Variants in TNRC6B observed in about 807,000 individuals in gnomAD.
The protein encoded by TNRC6B is trinucleotide repeat-containing gene 6B protein.
Under a neutral mutation model 203.6 loss-of-function variants are expected in TNRC6B, and 52 were observed. That is an observed-to-expected ratio of 0.26 (90% CI 0.20 to 0.32). The LOEUF (loss-of-function observed/expected upper bound fraction) is 0.32. Ranked by LOEUF, TNRC6B falls within the 10% of genes least tolerant of loss-of-function variation. The probability of loss-of-function intolerance (pLI) is 1.00; values close to 1 mark genes in which losing one functional copy is unlikely to be tolerated. For missense variants in TNRC6B, 1,923 were observed against 2,286.2 expected (o/e 0.84, Z 3.24); for synonymous variants, 838 against 845.7 (o/e 0.99, Z 0.16).
At chr22:40,307,622 CA>C (rs755027472) in intron 15 of TNRC6B, among the ~76,000 whole-genome samples, 1 of 152,114 alleles carries the variant, frequency 6.6e-6, no homozygotes, top group Non-Finnish European at 1.5e-5. Flanking sequence ...AGTGGGAACA[CA>C]TTACCCACCA....
intron 1 of TNRC6B, among the ~76,000 whole-genome samples, chr22:40,092,677 T>G (rs991287147): frequency 2.6e-5 from 4 of 152,042 alleles, no homozygotes; most frequent in South Asian, 4.2e-4. Flanking sequence ...CCTGGCTAAT[T>G]TTTTAGTACT....
chr22:40,277,261 CTAGT>C (rs961832221), intron 8 of TNRC6B, 110 bp downstream of exon 8: 3 of 727,326 alleles, frequency 4.1e-6, no homozygotes, highest in African/African-American at 3.6e-5. Context: ...GATTTAAAAA[CTAGT>C]TAAGCAATGT....
chr22:40,056,134 C>G (rs2067793238), intron 1 of TNRC6B, among the ~76,000 whole-genome samples: 1 of 152,202 alleles, frequency 6.6e-6, no homozygotes, highest in African/African-American at 2.4e-5. Context: ...CCCATCCACC[C>G]CATCTCTAGC....
Position 40,326,950 on chromosome 22 carries a change from A to C in TNRC6B, c.*3709A>C, listed in dbSNP as rs919381087. ...TGTGCTCGTTTTAATTGCTGTTTTG[A>C]AGATCTGCTGCTTAATTATCCCCAT... On this transcript the variant is annotated 3_prime_UTR_variant, in exon 23 of 23. Coordinates refer to ENST00000454349, the MANE Select transcript of TNRC6B (RefSeq NM_001162501.2). The C allele has an allele frequency of 2.0e-5, 3 of 152,638 alleles. No homozygotes were observed. Among genetic ancestry groups the C allele is most frequent in the Non-Finnish European group, 4.4e-5 (3 of 68,028 alleles). The allele number at this position is 152,638 out of a possible 1,614,324, so 9.5% of individuals were successfully genotyped here.
chr22:40,208,127 A>C (rs6001840), intron 1 of TNRC6B, among the ~76,000 whole-genome samples: 71,665 of 122,056 alleles, frequency 0.59, 21,625 homozygotes, highest in African/African-American at 0.86. Context: ...AAAAAAAAAA[A>C]AAAAACAAAA....
In TNRC6B at chr22:40,112,191, G is replaced by A. The variant is rs149853299; in HGVS notation, c.-120-4864G>A. 6.8e-4 allele frequency among the ~76,000 whole-genome samples: 103 copies of A among 152,252 alleles called. 1 individual carries two copies. The East Asian group carries it at 0.017, about 25-fold the overall frequency. ...GGAATACACCAGTAATGAAAGGACA[G>A]GGAGAAAAAAAACTGTCCTGTGAAA... On this transcript the variant is annotated intron_variant, in intron 1 of 23. Transcript: ENST00000301923.
chr22:40,251,233 G>A, intron 3 of TNRC6B, 33 bp downstream of exon 3: 1 of 1,499,404 alleles, frequency 6.7e-7, no homozygotes, highest in South Asian at 1.2e-5. Flanking sequence ...AAATTATTTA[G>A]AACCTTTTGT....
At chr22:40,243,258 T>C (rs1425351241) in intron 1 of TNRC6B, among the ~76,000 whole-genome samples, 1 of 152,216 alleles carries the variant, frequency 6.6e-6, no homozygotes, top group East Asian at 1.9e-4. Flanking sequence ...ACTCACACTA[T>C]TTGATTTATT....
chr22:40,227,157 GCTGGTCT>G (rs1334249062), intron 1 of TNRC6B, among the ~76,000 whole-genome samples: 1 of 149,054 alleles, frequency 6.7e-6, no homozygotes, highest in African/African-American at 2.5e-5. Flanking sequence ...TGTTGGCCAG[GCTGGTCT>G]CAAACTCCTG....
intron 1 of TNRC6B, among the ~76,000 whole-genome samples, chr22:40,208,910 C>T (rs1569021642): frequency 5.3e-5 from 8 of 152,186 alleles, no homozygotes; most frequent in Admixed American, 3.9e-4. Flanking sequence ...CCTTGTTTGT[C>T]CCATGACATT....
In TNRC6B at chr22:40,329,576, C is replaced by T. The variant is rs2071443008; in HGVS notation, c.*6335C>T. On this transcript the variant is annotated 3_prime_UTR_variant, in exon 23 of 23. Coordinates refer to ENST00000454349, the MANE Select transcript of TNRC6B (RefSeq NM_001162501.2). ...CCTCCCTAACCTGCTCACCATACCTCCCCACCCCATGCCTCTGAAGAAAGA... is the reference window on the plus strand; with the variant it reads ...CCTCCCTAACCTGCTCACCATACCTTCCCACCCCATGCCTCTGAAGAAAGA... 6.6e-6 allele frequency: 1 copy of T among 152,120 alleles called. No homozygotes were observed. The allele number at this position is 152,120 out of a possible 1,614,324, so 9.4% of individuals were successfully genotyped here.
chr22:40,192,915 A>G (rs1456569633), intron 1 of TNRC6B, among the ~76,000 whole-genome samples: 3 of 152,232 alleles, frequency 2.0e-5, no homozygotes, highest in Admixed American at 6.5e-5. Context: ...CTTGGAAGCC[A>G]TTTACTTACA....
At chr22:40,316,462 C>G (rs954730795) in intron 21 of TNRC6B, among the ~76,000 whole-genome samples, 1 of 151,878 alleles carries the variant, frequency 6.6e-6, no homozygotes, top group Non-Finnish European at 1.5e-5. Flanking sequence ...AGCCAGGAGT[C>G]TGAAATCAGT....
chr22:40,103,823 A>G (rs1350227006), intron 1 of TNRC6B, among the ~76,000 whole-genome samples: 1 of 151,322 alleles, frequency 6.6e-6, no homozygotes. Context: ...TTGTATTTTT[A>G]GTAGAGACAG....
At chr22:40,178,224 G>T (rs1354133033) in intron 1 of TNRC6B, 84 bp downstream of exon 1, 3 of 1,500,384 alleles carry the variant, frequency 2.0e-6, no homozygotes, top group South Asian at 2.3e-5. Context: ...GTTGCAAATC[G>T]ACATTTGTCT....
chr22:40,258,289 A>T (rs1353110490), intron 3 of TNRC6B, among the ~76,000 whole-genome samples: 1 of 151,966 alleles, frequency 6.6e-6, no homozygotes. Flanking sequence ...ACTTTTAATG[A>T]TAGCTTCTCT....
intron 3 of TNRC6B, among the ~76,000 whole-genome samples, chr22:40,146,422 T>G (rs989487192): frequency 1.3e-4 from 19 of 151,588 alleles, no homozygotes; most frequent in Non-Finnish European, 4.4e-5. Context: ...TGAGACGGAG[T>G]TTCTCTCTTG....
intron 1 of TNRC6B, among the ~76,000 whole-genome samples, chr22:40,197,613 T>C (rs946739358): frequency 2.0e-5 from 3 of 151,238 alleles, no homozygotes; most frequent in African/African-American, 2.4e-5. Context: ...TTTCTTTTTT[T>C]TTTTTTTTGA....
intron 1 of TNRC6B, among the ~76,000 whole-genome samples, chr22:40,219,359 G>A (rs566995724): frequency 3.9e-5 from 6 of 152,324 alleles, no homozygotes; most frequent in Admixed American, 2.6e-4. Context: ...AGTCATTTAT[G>A]GAGGTGGGAA....
Sources: allele counts gnomAD v4.1 joint callset (sites outside exome capture counted in the v4.1 genomes callset), GRCh38; gene constraint gnomAD v4.1.1; transcripts MANE v1.5; gene names NCBI Gene and HGNC (gene_info 2026-07-23, HGNC 2026-07-21).